The following APC variants were observed in gnomAD, a reference collection of about 807,000 sequenced individuals.
APC encodes the protein APC regulator of Wnt signaling pathway.
APC carries 72 observed loss-of-function variants against 247.0 expected under a neutral mutation model. The ratio of observed to expected loss-of-function variants is 0.29; its 90% CI spans 0.24 to 0.35. The LOEUF (loss-of-function observed/expected upper bound fraction) is 0.35. Ranked by LOEUF, APC falls within the 10% of genes least tolerant of loss-of-function variation. APC has a pLI of 1.00. For missense variants in APC, 3,400 were observed against 3,360.7 expected (o/e 1.01, Z -0.29); for synonymous variants, 1,254 against 1,162.5 (o/e 1.08, Z -1.60).
chr5:112,761,891 C>G (rs1435983244), intron 2 of APC, among the ~76,000 whole-genome samples: 1 of 152,094 alleles, frequency 6.6e-6, no homozygotes, highest in African/African-American at 2.4e-5. Context: ...AGATAAACTT[C>G]ATCAAAATTA....
Position 112,845,818 on chromosome 5 carries a change from T to TTGTTGCA in APC, c.*1697_*1698insCATGTTG, listed in dbSNP as rs1766936660. On this transcript the variant is annotated 3_prime_UTR_variant, in exon 16 of 16. Coordinates refer to ENST00000257430, the MANE Select transcript of APC (RefSeq NM_000038.6). Reference sequence around the variant, plus strand: ...TGACTGATGATACATGCATACATATTTGTTGAATAAATGAAAATTTATTTT... The same window carrying TTGTTGCA: ...TGACTGATGATACATGCATACATATTTGTTGCATGTTGAATAAATGAAAATTTATTTT... 1 of 231,964 alleles carries TTGTTGCA rather than the reference T, an allele frequency of 4.3e-6. No individual in the cohort carries two copies. The highest frequency in any genetic ancestry group is 1.8e-4 in the South Asian group (1 of 5,526). 14.4% of individuals were successfully genotyped at this position (231,964 alleles called of 1,614,324 possible).
chr5:112,840,770 G>A lies in APC; in HGVS notation c.5176G>A (p.Glu1726Lys), dbSNP rs1561598222. Residue 1726 changes from glutamate to lysine, a missense_variant, in exon 16 of 16, where the codon GAA becomes AAA. By Grantham distance (56) the Glu-to-Lys change is moderately conservative (BLOSUM62 1). This residue lies in a region of APC where 1,788 missense variants were observed against 1,649.5 expected (regional missense o/e 1.08). Coordinates refer to ENST00000257430, the MANE Select transcript of APC (RefSeq NM_000038.6). The surrounding 1 kb of genome is among the most constrained non-coding windows in gnomAD (Gnocchi z 4.1). Reference sequence around the variant, plus strand: ...AGCAGAGGAAGGTGATATTCTTGCAGAATGCATTAATTCTGCTATGCCCAA... The same window carrying A: ...AGCAGAGGAAGGTGATATTCTTGCAAAATGCATTAATTCTGCTATGCCCAA... The part of the protein sequence containing the change: ...NKAEEGDILA[E>K]CINSAMPKGK... 2 of 1,613,986 alleles carry A rather than the reference G, an allele frequency of 1.2e-6. No individual in the cohort carries two copies. The highest frequency in any genetic ancestry group is 8.5e-7 in the Non-Finnish European group (1 of 1,179,866).
intron 11 of APC, among the ~76,000 whole-genome samples, chr5:112,825,961 G>C (rs2149804266): frequency 6.6e-6 from 1 of 152,260 alleles, no homozygotes; most frequent in African/African-American, 2.4e-5. Context: ...ATATGATTTG[G>C]ATTTTCTTTA....
chr5:112,829,137 G>C, intron 14 of APC, 165 bp downstream of exon 14: 1 of 576,316 alleles, frequency 1.7e-6, no homozygotes, highest in Non-Finnish European at 3.2e-6. Context: ...TTAGCCATGA[G>C]ATTCCCTAAT....
intron 8 of APC, among the ~76,000 whole-genome samples, chr5:112,807,904 C>T (rs769761777): frequency 5.3e-5 from 8 of 152,176 alleles, no homozygotes; most frequent in Admixed American, 1.3e-4. Flanking sequence ...CCTGTAATCT[C>T]AGCATTTCCA....
rs1580650685 is a variant in APC, at chr5:112,840,241, A to T, written c.4647A>T (p.Gln1549His). ...SEQPKESNEN[Q>H]EKEAEKTIDS... ...AGCCTAAAGAATCAAATGAAAACCAAGAGAAAGAGGCAGAAAAAACTATTG... is the reference window on the plus strand; with the variant it reads ...AGCCTAAAGAATCAAATGAAAACCATGAGAAAGAGGCAGAAAAAACTATTG... The change falls in exon 16 of 16, where the codon CAA (glutamine) becomes CAT (histidine). Residue 1549 changes from glutamine (Q) to histidine (H), a missense_variant. Transcript: ENST00000257430. This position sits in a 1 kb window ranked among gnomAD's most constrained non-coding sequence, Gnocchi z 4.1. 2 of 1,614,092 alleles carry T rather than the reference A, an allele frequency of 1.2e-6. No individual in the cohort carries two copies. The highest frequency in any genetic ancestry group is 4.5e-5 in the East Asian group (2 of 44,896).
intron 1 of APC, among the ~76,000 whole-genome samples, chr5:112,712,649 C>CA (rs1010500094): frequency 7.3e-5 from 11 of 151,572 alleles, no homozygotes; most frequent in African/African-American, 2.7e-4. Flanking sequence ...CTGGGATTCT[C>CA]AAAGTGCTGG....
intron 10 of APC, among the ~76,000 whole-genome samples, 160 bp from the exon 11 acceptor site, chr5:112,821,736 T>C (rs1763148704): frequency 6.6e-6 from 1 of 152,212 alleles, no homozygotes; most frequent in African/African-American, 2.4e-5. Context: ...TGTTCCACAT[T>C]TGTAGTATTT....
chr5:112,711,625 G>T (rs1750853595), intron 1 of APC, among the ~76,000 whole-genome samples: 2 of 152,192 alleles, frequency 1.3e-5, no homozygotes. Flanking sequence ...GAAGGCCCAA[G>T]TGGGAGGATT....
chr5:112,802,861 A>G (rs904189237), intron 8 of APC, among the ~76,000 whole-genome samples: 4 of 152,110 alleles, frequency 2.6e-5, no homozygotes, highest in Non-Finnish European at 5.9e-5. Flanking sequence ...TTAAAATTCA[A>G]GATGCAAAAA....
intron 14 of APC, among the ~76,000 whole-genome samples, chr5:112,830,183 A>C (rs539137473): frequency 3.3e-5 from 5 of 152,232 alleles, no homozygotes; most frequent in African/African-American, 1.2e-4. Context: ...AAAAGCATTC[A>C]GCTAAATTAT....
chr5:112,838,908 G>C lies in APC; in HGVS notation c.3314G>C (p.Arg1105Pro), dbSNP rs548176472. The part of the protein sequence containing the change: ...QQECVSPYRS[R>P]GANGSETNRV... ...GAATGTGTTTCTCCATACAGGTCAC[G>C]GGGAGCCAATGGTTCAGAAACAAAT... The change falls in exon 16 of 16, where the codon CGG becomes CCG. Residue 1105 changes from arginine to proline, a missense_variant. Arg to Pro is a moderately radical substitution (Grantham distance 103, BLOSUM62 -2). Around this residue, in one of 9 missense-constraint regions of APC, gnomAD observed 715 missense variants for 656.6 expected, o/e 1.09. Transcript: ENST00000257430. 2 of 1,613,936 alleles carry C rather than the reference G, an allele frequency of 1.2e-6. No homozygotes were observed. Among genetic ancestry groups the C allele is most frequent in the African/African-American group, 1.3e-5 (1 of 74,918 alleles).
At chr5:112,815,633 C>T (rs1762437596) in intron 9 of APC, 40 bp downstream of exon 9, 5 of 1,511,382 alleles carry the variant, frequency 3.3e-6, no homozygotes, top group Non-Finnish European at 2.7e-6. Context: ...AATGCCATGA[C>T]TACTTTGCTA....
In APC at chr5:112,843,980, G is replaced by C. The variant is rs1766729025; in HGVS notation, c.8386G>C (p.Asp2796His). 1.2e-6 allele frequency: 2 copies of C among 1,602,824 alleles called. No homozygotes were observed. The highest frequency in any genetic ancestry group is 1.7e-5 in the Admixed American group (1 of 58,072). The change falls in exon 16 of 16, where the codon GAT becomes CAT. Residue 2796 changes from aspartate (D) to histidine (H), a missense_variant. Physicochemically the swap from Asp to His is moderately conservative, Grantham distance 81 (BLOSUM62 -1). This residue lies in a region of APC where 1,788 missense variants were observed against 1,649.5 expected (regional missense o/e 1.08). Transcript: ENST00000257430. The surrounding 1 kb of genome is among the most constrained non-coding windows in gnomAD (Gnocchi z 4.8). The stretch of plus-strand genomic sequence containing the variant: ...CCCAAGCCCTAGGAAAAGCAGCGCA[G>C]ATAGCACTTCAGCTCGGCCATCTCA... ...YNPSPRKSSA[D>H]STSARPSQIP...
chr5:112,819,128 G>A lies in APC; in HGVS notation c.1096G>A (p.Asp366Asn), dbSNP rs199562537. Residue 366 changes from aspartate to asparagine, a missense_variant, in exon 10 of 16, where the codon GAC (aspartate) becomes AAC (asparagine). Coordinates refer to ENST00000257430, the MANE Select transcript of APC (RefSeq NM_000038.6). Reference protein sequence around the residue: ...LIQLLHGNDKDSVLLGNSRGS... With the variant: ...LIQLLHGNDKNSVLLGNSRGS... ...CCAGCTTTTACATGGCAATGACAAA[G>A]ACTCTGTATTGTTGGGAAATTCCCG... is the stretch of plus-strand genomic sequence containing the variant. 4.3e-6 allele frequency: 7 copies of A among 1,614,068 alleles called. No individual in the cohort carries two copies. In the African/African-American group the frequency reaches 9.3e-5, roughly 22 times the overall value.
intron 8 of APC, among the ~76,000 whole-genome samples, chr5:112,803,100 G>A (rs1339787002): frequency 5.9e-5 from 9 of 152,136 alleles, no homozygotes; most frequent in African/African-American, 1.9e-4. Context: ...TCGTGGGGGG[G>A]CCATTTAGTT....
intron 8 of APC, among the ~76,000 whole-genome samples, chr5:112,815,067 C>G (rs1257419328): frequency 2.6e-5 from 4 of 152,162 alleles, no homozygotes; most frequent in Non-Finnish European, 5.9e-5. Context: ...TTAAACAGCC[C>G]TTTCTAAACT....
chr5:112,806,874 T>C (rs929374848), intron 8 of APC, among the ~76,000 whole-genome samples: 1 of 152,102 alleles, frequency 6.6e-6, no homozygotes, highest in Non-Finnish European at 1.5e-5. Context: ...TGCTCACACA[T>C]GTAATCCCAG....
intron 1 of APC, among the ~76,000 whole-genome samples, chr5:112,715,859 T>G (rs951683376): frequency 6.6e-6 from 1 of 152,192 alleles, no homozygotes; most frequent in African/African-American, 2.4e-5. Context: ...TTGTGATTAT[T>G]TTTTATAATT....
Sources: gnomAD v4.1 joint callset for allele counts (sites outside exome capture counted in the v4.1 genomes callset) on GRCh38, gnomAD v4.1.1 for gene constraint, gnomAD v4.1.1 regional missense constraint, Gnocchi (gnomAD v3.1) non-coding constraint, MANE v1.5 for transcripts, NCBI Gene and HGNC (gene_info 2026-07-23, HGNC 2026-07-21) for gene names.